The following SLC44A1 variants were observed in gnomAD, a reference collection of about 807,000 sequenced individuals.
The protein encoded by SLC44A1 is solute carrier family 44 member 1.
SLC44A1 carries 26 observed loss-of-function variants against 79.3 expected under a neutral mutation model. That is an observed-to-expected ratio of 0.33 (90% CI 0.24 to 0.46). SLC44A1 has a LOEUF of 0.46. Ranked by LOEUF, SLC44A1 falls within the 20% of genes least tolerant of loss-of-function variation. The pLI is 1.00. For missense variants in SLC44A1, 688 were observed against 798.1 expected, an observed-to-expected ratio of 0.86 and a Z score of 1.66; for synonymous variants, 263 against 286.2, an observed-to-expected ratio of 0.92 and a Z score of 0.82.
chr9:105,287,181 A>G (rs747696015), intron 1 of SLC44A1, among the ~76,000 whole-genome samples: 3 of 152,192 alleles, frequency 2.0e-5, no homozygotes, highest in Non-Finnish European at 4.4e-5. Flanking sequence ...AGTTTCCTTC[A>G]ACTTCCTTTA....
chr9:105,395,465 C>T lies in SLC44A1; in HGVS notation c.*6409C>T, dbSNP rs1323575637. 7.5e-6 allele frequency: 6 copies of T among 796,814 alleles called. No individual in the cohort carries two copies. Among genetic ancestry groups the T allele is most frequent in the South Asian group, 5.7e-5 (1 of 17,520 alleles). 49.4% of individuals were successfully genotyped at this position (796,814 alleles called of 1,614,324 possible). A position where few individuals can be genotyped will look rare whatever the true frequency, so the allele number is the denominator to read the frequency against. On this transcript the variant is annotated 3_prime_UTR_variant, in exon 16 of 16. Coordinates refer to ENST00000374720, the MANE Select transcript of SLC44A1 (RefSeq NM_080546.5). ...AACTCCTGACCTCAGGTGATCCACC[C>T]GCCTCAGCCTCCCAAAGTGCTGGGA...
intron 5 of SLC44A1, among the ~76,000 whole-genome samples, chr9:105,349,877 A>G (rs1474496003): frequency 7.9e-5 from 12 of 152,118 alleles, no homozygotes; most frequent in Admixed American, 7.2e-4. Flanking sequence ...GGGGCAGCTC[A>G]GCTCATCCTG....
rs574665949 is a variant in SLC44A1, at chr9:105,268,466, A to G, written c.36+23562A>G. Among the ~76,000 whole-genome samples, 4 of 152,244 alleles carry G rather than the reference A, an allele frequency of 2.6e-5. No homozygotes were observed. The East Asian group carries it at 5.8e-4, about 22-fold the overall frequency. ...AGTCAACATTTACTCTAAGTAGACT[A>G]TCCAAATCTCTTTCATTGATCTGAG... On this transcript the variant is annotated intron_variant, in intron 1 of 15. Transcript: ENST00000374720.
chr9:105,256,759 T>C (rs1361893623), intron 1 of SLC44A1, among the ~76,000 whole-genome samples: 2 of 142,424 alleles, frequency 1.4e-5, no homozygotes, highest in African/African-American at 5.6e-5. Flanking sequence ...TTATTTTATT[T>C]TATTTTATTT....
chr9:105,329,216 T>C (rs1365158560), intron 3 of SLC44A1, among the ~76,000 whole-genome samples: 2 of 152,208 alleles, frequency 1.3e-5, no homozygotes, highest in African/African-American at 4.8e-5. Flanking sequence ...TAAATTGATA[T>C]GAGGTAATAA....
chr9:105,342,913 G>A (rs1242660961), intron 4 of SLC44A1, among the ~76,000 whole-genome samples: 1 of 151,832 alleles, frequency 6.6e-6, no homozygotes, highest in Non-Finnish European at 1.5e-5. Context: ...GCCAAGGCGG[G>A]AGGATCACTT....
Position 105,390,077 on chromosome 9 carries a change from C to T in SLC44A1, c.*1021C>T. 6.3e-6 allele frequency: 8 copies of T among 1,272,134 alleles called. No homozygotes were observed. The highest frequency in any genetic ancestry group is 8.0e-6 in the Non-Finnish European group (8 of 1,002,374). The allele number at this position is 1,272,134 out of a possible 1,614,324, so 78.8% of individuals were successfully genotyped here. A position where few individuals can be genotyped will look rare whatever the true frequency, so the allele number is the denominator to read the frequency against. ...AAAACACACTGGCAGGTGCTCCTCT[C>T]CTTGGCAATTCATTGAGTATCCAGA... On this transcript the variant is annotated 3_prime_UTR_variant, in exon 16 of 16. Coordinates refer to ENST00000374720, the MANE Select transcript of SLC44A1 (RefSeq NM_080546.5).
intron 15 of SLC44A1, among the ~76,000 whole-genome samples, chr9:105,415,549 A>G (rs568599928): frequency 3.3e-5 from 5 of 152,142 alleles, no homozygotes; most frequent in African/African-American, 1.2e-4. Context: ...CGTCCTTGAG[A>G]GGGCAGCCAT....
rs564592255 is a variant in SLC44A1 at position 105,328,728 on chromosome 9, A to G, written c.270-6835A>G. On this transcript the variant is annotated intron_variant, in intron 3 of 15. Coordinates refer to ENST00000374720, the MANE Select transcript of SLC44A1 (RefSeq NM_080546.5). ...AGAAGTGCTGGCGGAGGAGGCTGCC[A>G]TGCTGTTTAGAATTCAATTGTCTCT... is the stretch of plus-strand genomic sequence containing the variant. 3.9e-5 allele frequency among the ~76,000 whole-genome samples: 6 copies of G among 152,322 alleles called. No individual in the cohort carries two copies. In the South Asian group the frequency reaches 1.2e-3, roughly 32 times the overall value.
At chr9:105,374,543 CTTAA>C in intron 12 of SLC44A1, 51 bp from the exon 13 acceptor site, 1 of 1,568,738 alleles carries the variant, frequency 6.4e-7, no homozygotes, top group Non-Finnish European at 8.7e-7. Flanking sequence ...CAGTTTCTAT[CTTAA>C]CAAAGGAAGT....
At chr9:105,351,583 A>G (rs1186785274) in intron 5 of SLC44A1, among the ~76,000 whole-genome samples, 18 of 130,118 alleles carry the variant, frequency 1.4e-4, no homozygotes, top group African/African-American at 2.4e-4. Context: ...AGAGAAAGAG[A>G]GAAAGAGAGA....
intron 15 of SLC44A1, among the ~76,000 whole-genome samples, chr9:105,420,233 G>T (rs1019607335): frequency 6.6e-6 from 1 of 152,144 alleles, no homozygotes; most frequent in Non-Finnish European, 1.5e-5. Context: ...CAGGAACAGA[G>T]GAAAGAGGCC....
At chr9:105,397,617 T>C (rs1313229320), downstream of SLC44A1, among the ~76,000 whole-genome samples, 2 of 152,122 alleles carry the variant, frequency 1.3e-5, no homozygotes, top group African/African-American at 4.8e-5. Context: ...AATGCTAAGA[T>C]TGCAACTGAA....
intron 2 of SLC44A1, among the ~76,000 whole-genome samples, chr9:105,304,603 G>T (rs577530526): frequency 6.1e-4 from 93 of 152,268 alleles, no homozygotes; most frequent in African/African-American, 2.0e-3. Flanking sequence ...CTCTGTGTCT[G>T]CTTTCCCTTA....
intron 7 of SLC44A1, among the ~76,000 whole-genome samples, chr9:105,359,997 CAT>C (rs553865154): frequency 3.9e-4 from 60 of 152,324 alleles, no homozygotes; most frequent in South Asian, 1.7e-3. Context: ...CACACACACA[CAT>C]GTCTCTACTC....
chr9:105,405,448 T>G (rs1190655391), intron 15 of SLC44A1, among the ~76,000 whole-genome samples: 1 of 152,100 alleles, frequency 6.6e-6, no homozygotes, highest in East Asian at 1.9e-4. Context: ...TTTTACCAAA[T>G]TCTAGAATCT....
chr9:105,347,006 A>G (rs1416968478), intron 4 of SLC44A1, among the ~76,000 whole-genome samples: 1 of 152,148 alleles, frequency 6.6e-6, no homozygotes, highest in Non-Finnish European at 1.5e-5. Context: ...TTGGGGCAGC[A>G]TTGCTAAATT....
intron 3 of SLC44A1, among the ~76,000 whole-genome samples, chr9:105,312,435 T>A (rs1350341755): frequency 1.3e-5 from 2 of 152,250 alleles, no homozygotes; most frequent in Non-Finnish European, 2.9e-5. Context: ...ATGAGATATA[T>A]TTGATTCGCT....
chr9:105,389,066 AC>A lies in SLC44A1; in HGVS notation c.*11del. On this transcript the variant is annotated 3_prime_UTR_variant, in exon 16 of 16. Transcript: ENST00000374720. ...AGCAAGTTCTGCTTGAACCTAGCCG[AC>A]GGTTATGGAAACCCATTGACATTCC... is the stretch of plus-strand genomic sequence containing the variant. 6.2e-7 allele frequency: 1 copy of A among 1,613,390 alleles called. No homozygotes were observed. Among genetic ancestry groups the A allele is most frequent in the Non-Finnish European group, 8.5e-7 (1 of 1,179,468 alleles).
Sources: allele counts gnomAD v4.1 joint callset (sites outside exome capture counted in the v4.1 genomes callset), GRCh38; gene constraint gnomAD v4.1.1; transcripts MANE v1.5; gene names NCBI Gene and HGNC (gene_info 2026-07-23, HGNC 2026-07-21).